PRAMEF20: variants seen among roughly 807,000 people sequenced by gnomAD.
PRAMEF20 encodes PRAME family member 20/21.
Under a neutral mutation model 32.4 loss-of-function variants are expected in PRAMEF20, and 27 were observed. That is an observed-to-expected ratio of 0.83 (90% CI 0.61 to 1.15). The LOEUF (loss-of-function observed/expected upper bound fraction) is 1.15. PRAMEF20 is among the 50% of genes most tolerant of loss of function. The pLI, the probability that PRAMEF20 is intolerant of heterozygous loss-of-function variation, is 0.00. For missense variants in PRAMEF20, 604 were observed against 584.5 expected (o/e 1.03, Z -0.34); for synonymous variants, 256 against 235.4 (o/e 1.09, Z -0.80).
chr1:13,417,974 C>T, intron 1 of PRAMEF20, 148 bp from the exon 3 acceptor site: 2 of 1,117,286 alleles, frequency 1.8e-6, no homozygotes, highest in South Asian at 2.8e-5. Flanking sequence ...CGGGGTTTCA[C>T]CATGCTAGCC....
upstream of PRAMEF20, among the ~76,000 whole-genome samples, chr1:13,412,634 T>C (rs1227696976): frequency 6.6e-6 from 1 of 151,838 alleles, no homozygotes; most frequent in Non-Finnish European, 1.5e-5. Context: ...CTCCCACCCT[T>C]CATTTTCCTA....
chr1:13,411,072 G>C, the PRAMEF20 span, among the ~76,000 whole-genome samples: 1 of 152,074 alleles, frequency 6.6e-6, no homozygotes, highest in Non-Finnish European at 1.5e-5. Context: ...TGGCCAGGCT[G>C]GTCTCGAACT....
At chr1:13,417,120 T>C (rs978806696) in intron 1 of PRAMEF20, among the ~76,000 whole-genome samples, 5 of 151,804 alleles carry the variant, frequency 3.3e-5, no homozygotes, top group Admixed American at 6.6e-5. Flanking sequence ...GGTAGCAAGG[T>C]TTATGGTGAA....
intron 2 of PRAMEF20, among the ~76,000 whole-genome samples, 195 bp downstream of exon 3, chr1:13,418,895 T>C (rs977507614): frequency 2.6e-5 from 4 of 152,206 alleles, no homozygotes; most frequent in Admixed American, 6.5e-5. Context: ...GTAGATGCTA[T>C]AGAGAGGCTG....
chr1:13,414,307 C>T (rs1468852116), upstream of PRAMEF20, among the ~76,000 whole-genome samples: 3 of 150,412 alleles, frequency 2.0e-5, no homozygotes, highest in African/African-American at 4.9e-5. Context: ...GATCCACCTG[C>T]CTTGGCCTCC....
At chr1:13,418,058 G>C (rs1641201487) in intron 1 of PRAMEF20, 64 bp from the exon 3 acceptor site, 1 of 1,611,238 alleles carries the variant, frequency 6.2e-7, no homozygotes, top group East Asian at 2.2e-5. Context: ...ACAAGCGTGA[G>C]CCACTGAGCC....
chr1:13,410,858 A>C, the PRAMEF20 span, among the ~76,000 whole-genome samples: 1 of 151,340 alleles, frequency 6.6e-6, no homozygotes, highest in Non-Finnish European at 1.5e-5. Flanking sequence ...ATCTCTACAA[A>C]ATATTTTTTT....
At chr1:13,417,012 C>T (rs1037735976) in intron 1 of PRAMEF20, among the ~76,000 whole-genome samples, 2 of 152,108 alleles carry the variant, frequency 1.3e-5, no homozygotes, top group African/African-American at 2.4e-5. Context: ...TGGTTCCTGC[C>T]GGTGGGTTCA....
At chr1:13,418,143 G>A (rs1204168097) in exon 2 of PRAMEF20, 1 of 1,612,576 alleles carries the variant, frequency 6.2e-7, no homozygotes, top group Non-Finnish European at 8.5e-7. Flanking sequence ...TTCAAGTGCT[G>A]GATTTACAGG....
At chr1:13,416,555 G>T (rs761392930) in exon 1 of PRAMEF20, 6 of 1,614,022 alleles carry the variant, frequency 3.7e-6, no homozygotes, top group Non-Finnish European at 5.1e-6. Context: ...TTCCTCTGGG[G>T]TCTCTGATGA....
At chr1:13,417,917 TG>T in intron 1 of PRAMEF20, among the ~76,000 whole-genome samples, 2 of 127,640 alleles carry the variant, frequency 1.6e-5, no homozygotes, top group African/African-American at 6.1e-5. Context: ...AATTTGTGTG[TG>T]TGTGTGTGTG....
intron 2 of PRAMEF20, among the ~76,000 whole-genome samples, chr1:13,419,444 C>T (rs930361548): frequency 2.2e-4 from 33 of 152,030 alleles, no homozygotes; most frequent in Non-Finnish European, 4.6e-4. Context: ...CCACCACACC[C>T]GACCCAAAAA....
At chr1:13,415,037 T>C (rs1414088591), upstream of PRAMEF20, among the ~76,000 whole-genome samples, 1 of 151,894 alleles carries the variant, frequency 6.6e-6, no homozygotes, top group Non-Finnish European at 1.5e-5. Context: ...ATAGCTTTGT[T>C]CTGAACATGT....
chr1:13,418,115 T>A lies in PRAMEF20; in HGVS notation c.288-7T>A. The A allele has an allele frequency of 6.2e-7, 1 of 1,611,876 alleles. No individual in the cohort carries two copies. The highest frequency in any genetic ancestry group is 8.5e-7 in the Non-Finnish European group (1 of 1,179,766). On this transcript the variant is annotated splice_polypyrimidine_tract_variant and splice_region_variant and intron_variant, in intron 1 of 2. Transcript: ENST00000602960. Reference sequence around the variant, plus strand: ...AAATTCTCAGCCTCTCTTCTATTTTTCCTCAGGAGGTGGAAACTTCAAGTG... The same window carrying A: ...AAATTCTCAGCCTCTCTTCTATTTTACCTCAGGAGGTGGAAACTTCAAGTG...
In PRAMEF20 at chr1:13,421,254, G is replaced by GT; in HGVS notation, c.1426dup (p.Ter476LeufsTer23). ...GACCTGGAGGTAGATCGGTGTTGCTGTTGAATGCCTGCCTATTTGGGTGGA... is the reference window on the plus strand; with the variant it reads ...GACCTGGAGGTAGATCGGTGTTGCTGTTTGAATGCCTGCCTATTTGGGTGGA... On this transcript the variant is annotated frameshift_variant, in exon 3 of 3. Transcript: ENST00000602960. LOFTEE classifies it high-confidence loss of function. The GT allele has an allele frequency of 6.2e-7, 1 of 1,613,846 alleles. No homozygotes were observed. Among genetic ancestry groups the GT allele is most frequent in the African/African-American group, 1.3e-5 (1 of 74,978 alleles).
exon 2 of PRAMEF20, chr1:13,418,262 G>A (rs1456831517): frequency 1.2e-6 from 2 of 1,613,852 alleles, no homozygotes; most frequent in East Asian, 2.2e-5. Flanking sequence ...AGGATGAGAG[G>A]ACAGCAGCCC....
rs1291547678 is a variant in PRAMEF20, at chr1:13,420,032, C to T, written c.867-665C>T. 3.3e-5 allele frequency among the ~76,000 whole-genome samples: 5 copies of T among 152,272 alleles called. No homozygotes were observed. The East Asian group carries it at 5.8e-4, about 18-fold the overall frequency. The stretch of plus-strand genomic sequence containing the variant: ...AGGGACGCCTGCAGCCTGCCCACCC[C>T]AGCTGATGTTGCAGGATCCTGCCTG... On this transcript the variant is annotated intron_variant, in intron 2 of 2. Coordinates refer to ENST00000602960, the Ensembl canonical transcript of PRAMEF20.
the PRAMEF20 span, among the ~76,000 whole-genome samples, chr1:13,411,319 G>A: frequency 1.3e-5 from 2 of 152,150 alleles, no homozygotes; most frequent in African/African-American, 4.8e-5. Flanking sequence ...GCAACAGAGT[G>A]AGACTCTGGC....
At chr1:13,421,220 T>C in exon 3 of PRAMEF20, 1 of 1,613,898 alleles carries the variant, frequency 6.2e-7, no homozygotes, top group South Asian at 1.1e-5. Flanking sequence ...TGGCAACAGG[T>C]CACTTTACGA....
Sources: gnomAD v4.1 joint callset for allele counts (sites outside exome capture counted in the v4.1 genomes callset) on GRCh38, gnomAD v4.1.1 for gene constraint, MANE v1.5 for transcripts, NCBI Gene and HGNC (gene_info 2026-07-23, HGNC 2026-07-21) for gene names.